The following ITFG1 variants were observed in gnomAD, a reference collection of about 807,000 sequenced individuals.
The protein encoded by ITFG1 is T-cell immunomodulatory protein.
A neutral mutation model predicts 81.8 loss-of-function variants in ITFG1; 34 were observed. The observed-to-expected ratio is 0.42, with a 90% confidence interval of 0.32 to 0.55. The LOEUF is 0.55. Ranked by LOEUF, ITFG1 falls within the 20% of genes least tolerant of loss-of-function variation. ITFG1 has a pLI of 0.17. For missense variants in ITFG1, 672 were observed against 755.4 expected (o/e 0.89, Z 1.29); for synonymous variants, 285 against 270.6 (o/e 1.05, Z -0.52).
At chr16:47,264,107 G>A (rs923256532) in intron 10 of ITFG1, among the ~76,000 whole-genome samples, 2 of 151,872 alleles carry the variant, frequency 1.3e-5, no homozygotes, top group Non-Finnish European at 2.9e-5. Flanking sequence ...GATTACAAAA[G>A]CAATCATAAC....
At chr16:47,307,085 C>T (rs577838188) in intron 10 of ITFG1, among the ~76,000 whole-genome samples, 143 of 74,036 alleles carry the variant, frequency 1.9e-3, no homozygotes, top group African/African-American at 0.01. Context: ...CAGAGCAAAA[C>T]TCCGTCTCAA....
chr16:47,277,569 A>G (rs1966410673), intron 10 of ITFG1, among the ~76,000 whole-genome samples: 1 of 152,238 alleles, frequency 6.6e-6, no homozygotes, highest in African/African-American at 2.4e-5. Flanking sequence ...GGTCAACTGT[A>G]TAAGAATATA....
chr16:47,390,138 A>T (rs1305605388), intron 6 of ITFG1, among the ~76,000 whole-genome samples: 1 of 152,220 alleles, frequency 6.6e-6, no homozygotes, highest in Admixed American at 6.5e-5. Flanking sequence ...CAGTCTGTTA[A>T]GACTGGAGCT....
intron 12 of ITFG1, among the ~76,000 whole-genome samples, chr16:47,253,357 T>G (rs907610069): frequency 1.3e-5 from 2 of 152,244 alleles, no homozygotes; most frequent in Admixed American, 6.5e-5. Flanking sequence ...CCTTGTTTCA[T>G]GTATACCTAG....
chr16:47,286,320 A>G (rs753963321), intron 10 of ITFG1, among the ~76,000 whole-genome samples: 6 of 152,080 alleles, frequency 3.9e-5, no homozygotes, highest in Non-Finnish European at 8.8e-5. Context: ...GCATATCACT[A>G]GAAAAAGTGG....
At chr16:47,349,985 A>G (rs557091393) in intron 8 of ITFG1, among the ~76,000 whole-genome samples, 7 of 152,254 alleles carry the variant, frequency 4.6e-5, no homozygotes, top group African/African-American at 1.7e-4. Flanking sequence ...AACGAAATGA[A>G]GGCAGAAATA....
chr16:47,459,777 T>G (rs1969501881), intron 1 of ITFG1, among the ~76,000 whole-genome samples: 1 of 152,204 alleles, frequency 6.6e-6, no homozygotes, highest in Admixed American at 6.5e-5. Flanking sequence ...ATCTTTAAAG[T>G]CAAGGCTACT....
At chr16:47,241,182 C>A (rs113851195) in intron 12 of ITFG1, among the ~76,000 whole-genome samples, 1 of 152,124 alleles carries the variant, frequency 6.6e-6, no homozygotes, top group Non-Finnish European at 1.5e-5. Context: ...TTGGAACTCT[C>A]ATACATTTCT....
chr16:47,384,098 C>T (rs564828051), intron 6 of ITFG1, among the ~76,000 whole-genome samples: 47 of 152,234 alleles, frequency 3.1e-4, no homozygotes, highest in African/African-American at 1.1e-3. Context: ...AAAATTGTGG[C>T]CAGACATTTA....
intron 6 of ITFG1, among the ~76,000 whole-genome samples, chr16:47,376,171 T>C (rs1968321770): frequency 6.6e-6 from 1 of 152,172 alleles, no homozygotes; most frequent in Non-Finnish European, 1.5e-5. Context: ...GAATATTCCT[T>C]ATTTCCAAGA....
intron 10 of ITFG1, among the ~76,000 whole-genome samples, chr16:47,279,352 G>A (rs1596857199): frequency 6.6e-6 from 1 of 151,864 alleles, no homozygotes; most frequent in South Asian, 2.1e-4. Flanking sequence ...TCCCTGCTAG[G>A]GATGCCCAGT....
intron 10 of ITFG1, among the ~76,000 whole-genome samples, chr16:47,270,187 T>A (rs990031864): frequency 6.6e-6 from 1 of 151,874 alleles, no homozygotes; most frequent in African/African-American, 2.4e-5. Flanking sequence ...ACCATATCTA[T>A]AAAAAAAATT....
chr16:47,349,263 G>A (rs1967911555), intron 8 of ITFG1, among the ~76,000 whole-genome samples: 2 of 152,138 alleles, frequency 1.3e-5, no homozygotes, highest in Admixed American at 6.5e-5. Flanking sequence ...GGCACGGACT[G>A]GCAAATTGGA....
chr16:47,350,234 A>G (rs1197155430), intron 8 of ITFG1, among the ~76,000 whole-genome samples: 1 of 152,252 alleles, frequency 6.6e-6, no homozygotes, highest in South Asian at 2.1e-4. Flanking sequence ...TGAAGAAGAT[A>G]GAGACAAAAA....
At chr16:47,223,867 A>G (rs995430503) in intron 13 of ITFG1, among the ~76,000 whole-genome samples, 2 of 152,192 alleles carry the variant, frequency 1.3e-5, no homozygotes, top group African/African-American at 4.8e-5. Context: ...CATATACACC[A>G]TGGAATACTA....
At chr16:47,205,774 A>G (rs1283327403) in intron 14 of ITFG1, among the ~76,000 whole-genome samples, 3 of 152,186 alleles carry the variant, frequency 2.0e-5, no homozygotes, top group Non-Finnish European at 4.4e-5. Flanking sequence ...TGTGCAATTC[A>G]GTTTAATTAA....
At chr16:47,318,283 A>G (rs1967394350) in intron 8 of ITFG1, among the ~76,000 whole-genome samples, 1 of 152,166 alleles carries the variant, frequency 6.6e-6, no homozygotes, top group Non-Finnish European at 1.5e-5. Flanking sequence ...TAAATTTCTG[A>G]CTTAATAATC....
At chr16:47,343,310 C>T (rs1967809086) in intron 8 of ITFG1, among the ~76,000 whole-genome samples, 1 of 151,940 alleles carries the variant, frequency 6.6e-6, no homozygotes, top group Non-Finnish European at 1.5e-5. Flanking sequence ...TGTACTCATA[C>T]CATGTACAAA....
chr16:47,226,871 T>C (rs1363751077), intron 13 of ITFG1, among the ~76,000 whole-genome samples: 2 of 152,186 alleles, frequency 1.3e-5, no homozygotes, highest in Admixed American at 6.5e-5. Flanking sequence ...ATGAAAAATA[T>C]AGTTTTTAAA....
Sources: gnomAD v4.1 joint callset for allele counts (sites outside exome capture counted in the v4.1 genomes callset) on GRCh38, gnomAD v4.1.1 for gene constraint, MANE v1.5 for transcripts, NCBI Gene and HGNC (gene_info 2026-07-23, HGNC 2026-07-21) for gene names.